RYR2: variants seen among roughly 807,000 people sequenced by gnomAD.
RYR2 encodes cardiac muscle ryanodine receptor-calcium release channel.
A neutral mutation model predicts 601.1 loss-of-function variants in RYR2; 227 were observed. That is an observed-to-expected ratio of 0.38 (90% CI 0.34 to 0.42). The LOEUF (loss-of-function observed/expected upper bound fraction) is 0.42. RYR2 is among the 10% of genes least tolerant of loss of function. The probability of loss-of-function intolerance (pLI) is 1.00; values close to 1 mark genes in which losing one functional copy is unlikely to be tolerated. For missense variants in RYR2, 4,646 were observed against 6,156.5 expected, an observed-to-expected ratio of 0.75 and a Z score of 8.21; for synonymous variants, 2,223 against 2,175.1, an observed-to-expected ratio of 1.02 and a Z score of -0.61.
chr1:237,403,813 A>G (rs752764742), intron 10 of RYR2, among the ~76,000 whole-genome samples: 1 of 152,240 alleles, frequency 6.6e-6, no homozygotes, highest in Non-Finnish European at 1.5e-5. Context: ...TTTGAGTAGA[A>G]GAAAACTATC....
intron 12 of RYR2, among the ~76,000 whole-genome samples, chr1:237,433,964 C>T (rs1325184351): frequency 6.6e-6 from 1 of 152,084 alleles, no homozygotes; most frequent in East Asian, 1.9e-4. Context: ...TACTGTGTTG[C>T]AAATCAAGAT....
intron 12 of RYR2, 49 bp from the exon 13 acceptor site, chr1:237,441,270 T>G: frequency 2.5e-6 from 4 of 1,602,872 alleles, no homozygotes; most frequent in Non-Finnish European, 3.4e-6. Flanking sequence ...TGCCATACAC[T>G]AGTATTTTTG....
At chr1:237,535,052 A>G (rs1402725295) in intron 25 of RYR2, among the ~76,000 whole-genome samples, 1 of 152,004 alleles carries the variant, frequency 6.6e-6, no homozygotes, top group Non-Finnish European at 1.5e-5. Context: ...CATGCTGTAC[A>G]ATAGATCTCT....
chr1:237,476,467 G>A (rs557904987), intron 17 of RYR2, among the ~76,000 whole-genome samples: 77 of 131,650 alleles, frequency 5.8e-4, no homozygotes, highest in South Asian at 5.0e-4. Flanking sequence ...CCAAGATTGC[G>A]CCACTGCACT....
intron 24 of RYR2, among the ~76,000 whole-genome samples, chr1:237,515,308 A>T (rs538450126): frequency 2.6e-5 from 4 of 152,368 alleles, no homozygotes; most frequent in Non-Finnish European, 5.9e-5. Context: ...TAATTGATAT[A>T]AGGATTTTTA....
At chr1:237,432,358 C>A (rs1471867906) in intron 12 of RYR2, among the ~76,000 whole-genome samples, 1 of 152,062 alleles carries the variant, frequency 6.6e-6, no homozygotes, top group African/African-American at 2.4e-5. Context: ...TCAATAACAA[C>A]AATATGTTTT....
chr1:237,087,318 A>G (rs1443782636), intron 1 of RYR2, among the ~76,000 whole-genome samples: 3 of 151,996 alleles, frequency 2.0e-5, no homozygotes, highest in Non-Finnish European at 4.4e-5. Flanking sequence ...TTCCAGGTTC[A>G]ATTCCAGGTT....
intron 1 of RYR2, among the ~76,000 whole-genome samples, chr1:237,185,202 GT>G (rs1679217681): frequency 6.6e-6 from 1 of 151,826 alleles, no homozygotes; most frequent in Admixed American, 6.6e-5. Context: ...GTCTCACTAT[GT>G]TGCCCAGGCT....
At chr1:237,629,196 A>G (rs926893986) in intron 41 of RYR2, among the ~76,000 whole-genome samples, 1 of 152,104 alleles carries the variant, frequency 6.6e-6, no homozygotes, top group African/African-American at 2.4e-5. Flanking sequence ...AAGCTTATAT[A>G]GTTCGGGGAT....
At chr1:237,524,968 CAT>C (rs1407579005) in intron 24 of RYR2, among the ~76,000 whole-genome samples, 1 of 152,038 alleles carries the variant, frequency 6.6e-6, no homozygotes, top group Non-Finnish European at 1.5e-5. Context: ...GTGTTTGTAA[CAT>C]AGGTATATTG....
At chr1:237,067,903 A>G (rs576683987) in intron 1 of RYR2, among the ~76,000 whole-genome samples, 24 of 152,128 alleles carry the variant, frequency 1.6e-4, no homozygotes, top group Non-Finnish European at 2.8e-4. Flanking sequence ...ATTTCACATC[A>G]TTTCTCTTTG....
intron 79 of RYR2, among the ~76,000 whole-genome samples, chr1:237,739,127 C>A (rs1691395668): frequency 6.6e-6 from 1 of 152,186 alleles, no homozygotes; most frequent in Admixed American, 6.5e-5. Context: ...TCTGCACGTC[C>A]TCTCTATTAT....
At chr1:237,182,993 A>T (rs1678953981) in intron 1 of RYR2, among the ~76,000 whole-genome samples, 1 of 152,170 alleles carries the variant, frequency 6.6e-6, no homozygotes, top group African/African-American at 2.4e-5. Flanking sequence ...AACAGCCATG[A>T]AAACAGGTAA....
chr1:237,795,339 T>C lies in RYR2; in HGVS notation c.13956+8T>C. ...AAATTTGTTAAAAGAAAGGTAATATTACTTGGAATCCTCTACATTTTTCTT... is the reference window on the plus strand; with the variant it reads ...AAATTTGTTAAAAGAAAGGTAATATCACTTGGAATCCTCTACATTTTTCTT... On this transcript the variant is annotated splice_region_variant and intron_variant, in intron 96 of 104. Coordinates refer to ENST00000366574, the MANE Select transcript of RYR2 (RefSeq NM_001035.3). 7.3e-7 allele frequency: 1 copy of C among 1,377,246 alleles called. No homozygotes were observed. The highest frequency in any genetic ancestry group is 2.1e-5 in the Admixed American group (1 of 47,894). The allele number at this position is 1,377,246 out of a possible 1,614,324, so 85.3% of individuals were successfully genotyped here. A position where few individuals can be genotyped will look rare whatever the true frequency, so the allele number is the denominator to read the frequency against.
chr1:237,304,098 T>C (rs1238149279), intron 2 of RYR2, among the ~76,000 whole-genome samples: 1 of 152,174 alleles, frequency 6.6e-6, no homozygotes, highest in African/African-American at 2.4e-5. Context: ...AATAGGATGA[T>C]TTCTGAGTGT....
chr1:237,355,877 T>C lies in RYR2; in HGVS notation c.274-88T>C, dbSNP rs1699248761. ...AGTAGATTGTGGTGCAAGGACCAAATTGATATCAATTCATTTAAATGACAG... is the reference window on the plus strand; with the variant it reads ...AGTAGATTGTGGTGCAAGGACCAAACTGATATCAATTCATTTAAATGACAG... On this transcript the variant is annotated intron_variant, in intron 3 of 104. Transcript: ENST00000366574. 1.1e-5 allele frequency: 13 copies of C among 1,199,302 alleles called. No individual in the cohort carries two copies. In the South Asian group the frequency reaches 1.3e-4, roughly 12 times the overall value. 74.3% of individuals were successfully genotyped at this position (1,199,302 alleles called of 1,614,324 possible). A position where few individuals can be genotyped will look rare whatever the true frequency, so the allele number is the denominator to read the frequency against.
Position 237,347,435 on chromosome 1 carries a change from G to A in RYR2, c.274-8530G>A, listed in dbSNP as rs528845510. 2.0e-5 allele frequency among the ~76,000 whole-genome samples: 3 copies of A among 152,292 alleles called. No individual in the cohort carries two copies. The South Asian group carries it at 6.2e-4, about 32-fold the overall frequency. ...TACTTTCGGGATGAATTCACTGCTT[G>A]TTGAAATGTAATTGACTGATCTAAA... is the stretch of plus-strand genomic sequence containing the variant. On this transcript the variant is annotated intron_variant, in intron 3 of 104. Coordinates refer to ENST00000366574, the MANE Select transcript of RYR2 (RefSeq NM_001035.3).
intron 84 of RYR2, among the ~76,000 whole-genome samples, chr1:237,764,681 A>T (rs931076853): frequency 2.6e-5 from 4 of 151,890 alleles, no homozygotes; most frequent in Admixed American, 2.6e-4. Context: ...TCCTGACCTC[A>T]GGTGACCCAC....
intron 5 of RYR2, among the ~76,000 whole-genome samples, chr1:237,365,713 C>T (rs997944033): frequency 6.6e-6 from 1 of 152,214 alleles, no homozygotes; most frequent in African/African-American, 2.4e-5. Flanking sequence ...TCTGCATTTG[C>T]TGTATTCATT....
Sources: allele counts gnomAD v4.1 joint callset (sites outside exome capture counted in the v4.1 genomes callset), GRCh38; gene constraint gnomAD v4.1.1; transcripts MANE v1.5; gene names NCBI Gene and HGNC (gene_info 2026-07-23, HGNC 2026-07-21).